Variants in STAU2 observed in about 807,000 individuals in gnomAD.
The protein encoded by STAU2 is staufen double-stranded RNA binding protein 2, also known as double-stranded RNA-binding protein Staufen homolog 2.
A neutral mutation model predicts 65.9 loss-of-function variants in STAU2; 20 were observed. The ratio of observed to expected loss-of-function variants is 0.30; its 90% confidence interval spans 0.21 to 0.44. The LOEUF is 0.44. STAU2 is among the 20% of genes least tolerant of loss of function. STAU2 has a pLI of 1.00. For synonymous variants in STAU2, 232 were observed against 233.9 expected, an observed-to-expected ratio of 0.99 and a Z score of 0.07; for missense variants, 558 against 683.9, an observed-to-expected ratio of 0.82 and a Z score of 2.05.
intron 13 of STAU2, among the ~76,000 whole-genome samples, chr8:73,513,644 A>T (rs933698658): frequency 1.3e-5 from 2 of 151,986 alleles, no homozygotes; most frequent in East Asian, 3.9e-4. Flanking sequence ...CATTTTCCCA[A>T]ATCTCCCTGA....
At chr8:73,746,995 C>T (rs1286698704), upstream of STAU2, 2 of 431,312 alleles carry the variant, frequency 4.6e-6, no homozygotes, top group Non-Finnish European at 6.1e-6. Flanking sequence ...CCAGCACGCC[C>T]GGCCGGCGCG....
intron 13 of STAU2, among the ~76,000 whole-genome samples, chr8:73,439,404 G>A (rs1752008884): frequency 6.6e-6 from 1 of 152,222 alleles, no homozygotes; most frequent in Non-Finnish European, 1.5e-5. Context: ...ATCACTTGAG[G>A]TGAGGAGTTC....
chr8:73,566,320 G>A (rs1216406224), intron 12 of STAU2, among the ~76,000 whole-genome samples: 1 of 152,080 alleles, frequency 6.6e-6, no homozygotes, highest in Non-Finnish European at 1.5e-5. Flanking sequence ...TAATGTAGAT[G>A]GCTGTGTCAC....
intron 13 of STAU2, among the ~76,000 whole-genome samples, chr8:73,521,668 T>C (rs942753550): frequency 3.3e-5 from 5 of 152,308 alleles, no homozygotes; most frequent in African/African-American, 1.2e-4. Context: ...CATACTCTCT[T>C]GAGATGCTGG....
intron 9 of STAU2, among the ~76,000 whole-genome samples, chr8:73,612,726 C>A (rs1373672102): frequency 6.6e-6 from 1 of 152,048 alleles, no homozygotes; most frequent in Non-Finnish European, 1.5e-5. Context: ...TGTAAAAATA[C>A]CTAAATTGTG....
At chr8:73,436,839 A>G (rs6472773) in intron 13 of STAU2, among the ~76,000 whole-genome samples, 150,223 of 152,040 alleles carry the variant, frequency 0.99, 74,216 homozygotes, top group East Asian at 1. Context: ...TGCCCGCCTC[A>G]ACCTCCCAAA....
chr8:73,678,277 C>T (rs995346874), intron 5 of STAU2, among the ~76,000 whole-genome samples: 2 of 152,120 alleles, frequency 1.3e-5, no homozygotes, highest in African/African-American at 4.8e-5. Context: ...GTAAAGCTGG[C>T]ATTCAAGTCG....
intron 13 of STAU2, among the ~76,000 whole-genome samples, chr8:73,462,148 T>A (rs1819388073): frequency 6.6e-6 from 1 of 152,198 alleles, no homozygotes; most frequent in East Asian, 1.9e-4. Context: ...GGCATGATCT[T>A]GGATCATTGC....
At chr8:73,733,135 T>C (rs550639920) in intron 3 of STAU2, among the ~76,000 whole-genome samples, 3 of 152,032 alleles carry the variant, frequency 2.0e-5, no homozygotes, top group Non-Finnish European at 4.4e-5. Flanking sequence ...CTGCCTGTCA[T>C]CTCTTCCACT....
chr8:73,529,849 T>C (rs1490523784), intron 13 of STAU2, among the ~76,000 whole-genome samples: 2 of 152,180 alleles, frequency 1.3e-5, no homozygotes, highest in African/African-American at 4.8e-5. Flanking sequence ...TCCTCCAAGA[T>C]TCTTCCACCG....
At chr8:73,513,633 C>T (rs1202126024) in intron 13 of STAU2, among the ~76,000 whole-genome samples, 1 of 152,080 alleles carries the variant, frequency 6.6e-6, no homozygotes, top group Non-Finnish European at 1.5e-5. Flanking sequence ...TATCACTGTG[C>T]CATTTTCCCA....
At chr8:73,567,197 T>C (rs1284747639) in intron 12 of STAU2, among the ~76,000 whole-genome samples, 2 of 152,130 alleles carry the variant, frequency 1.3e-5, no homozygotes, top group East Asian at 3.9e-4. Context: ...CACTGTGCTA[T>C]GTGATTTACT....
At chr8:73,501,876 A>C (rs73686985) in intron 13 of STAU2, among the ~76,000 whole-genome samples, 1 of 151,832 alleles carries the variant, frequency 6.6e-6, no homozygotes, top group Admixed American at 6.6e-5. Context: ...CTTCTTCTCC[A>C]GCAGCAGCTA....
At chr8:73,550,072 T>C (rs1204413867) in intron 13 of STAU2, 1 of 985,334 alleles carries the variant, frequency 1.0e-6, no homozygotes, top group Middle Eastern at 5.2e-4. Context: ...TTCTGCTCAC[T>C]GCTTAGCTGC....
At chr8:73,656,949 G>C (rs1307278192) in intron 6 of STAU2, among the ~76,000 whole-genome samples, 1 of 152,200 alleles carries the variant, frequency 6.6e-6, no homozygotes, top group South Asian at 2.1e-4. Context: ...ATCAGACAAA[G>C]CAGAGTTCAA....
intron 13 of STAU2, chr8:73,439,210 C>T (rs1817939586): frequency 5.6e-6 from 2 of 358,264 alleles, no homozygotes; most frequent in South Asian, 4.2e-5. Flanking sequence ...ATGTGCACAG[C>T]TGGCACCGTG....
intron 13 of STAU2, among the ~76,000 whole-genome samples, chr8:73,486,038 T>C (rs1412721507): frequency 6.6e-6 from 1 of 152,130 alleles, no homozygotes; most frequent in Non-Finnish European, 1.5e-5. Context: ...TCTTGGCTTC[T>C]TCTCTTAAGG....
chr8:73,726,982 C>G (rs994015680), intron 3 of STAU2, among the ~76,000 whole-genome samples: 16 of 152,280 alleles, frequency 1.1e-4, no homozygotes, highest in African/African-American at 3.6e-4. Flanking sequence ...GTAATCCCAG[C>G]ACTTTGGGAG....
Position 73,542,304 on chromosome 8 carries a change from A to G in STAU2, c.1530+9708T>C, listed in dbSNP as rs191021920. On this transcript the variant is annotated intron_variant, in intron 13 of 14. Coordinates refer to ENST00000524300, the MANE Select transcript of STAU2 (RefSeq NM_001164380.2). Reference sequence around the variant, plus strand: ...AGGAAAAAAATAAATTTCAACTCTTACCCCATACCATACATTAAAAATTAA... The same window carrying G: ...AGGAAAAAAATAAATTTCAACTCTTGCCCCATACCATACATTAAAAATTAA... 1.5e-4 allele frequency among the ~76,000 whole-genome samples: 23 copies of G among 152,272 alleles called. No individual in the cohort carries two copies. In the East Asian group the frequency reaches 4.2e-3, roughly 28 times the overall value.
Sources: gnomAD v4.1 joint callset for allele counts (sites outside exome capture counted in the v4.1 genomes callset) on GRCh38, gnomAD v4.1.1 for gene constraint, MANE v1.5 for transcripts, NCBI Gene and HGNC (gene_info 2026-07-23, HGNC 2026-07-21) for gene names.